Variants in CUL2 observed in about 807,000 individuals in gnomAD.
The protein encoded by CUL2 is cullin-2.
A neutral mutation model predicts 110.2 loss-of-function variants in CUL2; 22 were observed. The observed-to-expected ratio is 0.20, with a 90% CI of 0.14 to 0.28. The LOEUF (loss-of-function observed/expected upper bound fraction) is 0.28. Among genes scored for constraint, CUL2 ranks in the 10% least tolerant of loss-of-function variants. The probability of loss-of-function intolerance (pLI) is 1.00; values close to 1 mark genes in which losing one functional copy is unlikely to be tolerated. For missense variants in CUL2, 631 were observed against 905.5 expected, an observed-to-expected ratio of 0.70 and a Z score of 3.89; for synonymous variants, 279 against 293.2, an observed-to-expected ratio of 0.95 and a Z score of 0.49.
intron 5 of CUL2, among the ~76,000 whole-genome samples, chr10:35,050,781 G>A (rs896598201): frequency 1.3e-5 from 2 of 152,228 alleles, no homozygotes; most frequent in African/African-American, 4.8e-5. Context: ...TGGAAACAAT[G>A]CTGTGATTCC....
intron 2 of CUL2, among the ~76,000 whole-genome samples, chr10:35,064,376 C>G (rs117724027): frequency 0.024 from 3,586 of 152,258 alleles, 64 homozygotes; most frequent in Non-Finnish European, 0.038. Context: ...GATGCAAATT[C>G]TTTCTCCTCT....
intron 9 of CUL2, among the ~76,000 whole-genome samples, chr10:35,036,383 ACAC>A (rs1342549298): frequency 2.0e-5 from 3 of 152,206 alleles, no homozygotes; most frequent in African/African-American, 4.8e-5. Context: ...GCTATTACAA[ACAC>A]TACTATGAAC....
intron 1 of CUL2, among the ~76,000 whole-genome samples, chr10:35,108,201 T>C (rs2087486745): frequency 6.6e-6 from 1 of 152,126 alleles, no homozygotes; most frequent in Non-Finnish European, 1.5e-5. Context: ...CTCATGCCTG[T>C]AATCCCAGCA....
chr10:35,071,473 T>A, intron 1 of CUL2, 134 bp from the exon 2 acceptor site: 1 of 678,594 alleles, frequency 1.5e-6, no homozygotes, highest in African/African-American at 1.8e-5. Context: ...GGCGTGATCT[T>A]GGCTCACTGC....
At chr10:35,085,526 C>G (rs1193729234) in intron 1 of CUL2, among the ~76,000 whole-genome samples, 2 of 151,848 alleles carry the variant, frequency 1.3e-5, no homozygotes, top group East Asian at 3.9e-4. Context: ...AGGCGGACCA[C>G]AAGGTCAGGA....
intron 5 of CUL2, 38 bp downstream of exon 5, chr10:35,054,396 C>T: frequency 8.7e-7 from 1 of 1,146,742 alleles, no homozygotes. Flanking sequence ...TGTATAAAAA[C>T]ATACTTATGT....
At chr10:35,012,429 G>T (rs1432699895) in intron 19 of CUL2, among the ~76,000 whole-genome samples, 1 of 152,114 alleles carries the variant, frequency 6.6e-6, no homozygotes, top group African/African-American at 2.4e-5. Context: ...TTTAGATGGA[G>T]TTGTGTCAAC....
chr10:35,009,187 T>C lies in CUL2; in HGVS notation c.*1124A>G, dbSNP rs918699669. 3 of 102,732 alleles carry C rather than the reference T, an allele frequency of 2.9e-5. No individual in the cohort carries two copies. The Admixed American group carries it at 3.5e-4, about 12-fold the overall frequency. The allele number at this position is 102,732 out of a possible 1,614,324, so 6.4% of individuals were successfully genotyped here. A position where few individuals can be genotyped will look rare whatever the true frequency, so the allele number is the denominator to read the frequency against. On this transcript the variant is annotated 3_prime_UTR_variant, in exon 21 of 21. Coordinates refer to ENST00000374749, the MANE Select transcript of CUL2 (RefSeq NM_003591.4). ...TACTCTTAACACTGCTGTTGAGATA[T>C]ATATATATATATATTATATATATAT...
At chr10:35,052,768 G>A (rs891338430) in intron 5 of CUL2, among the ~76,000 whole-genome samples, 1 of 151,900 alleles carries the variant, frequency 6.6e-6, no homozygotes, top group Admixed American at 6.6e-5. Flanking sequence ...GGTGGCAGGC[G>A]CCTGTAGTCC....
At chr10:35,105,968 T>C (rs1418178032) in intron 1 of CUL2, among the ~76,000 whole-genome samples, 1 of 152,148 alleles carries the variant, frequency 6.6e-6, no homozygotes. Context: ...CAACAATCAC[T>C]GAAGTAACAG....
chr10:35,104,858 T>C (rs542411188), intron 1 of CUL2, among the ~76,000 whole-genome samples: 6 of 151,864 alleles, frequency 4.0e-5, no homozygotes, highest in East Asian at 4.0e-4. Flanking sequence ...GCCTCCTGAG[T>C]AGCTGGGATT....
At chr10:35,055,292 T>A (rs530064424) in intron 4 of CUL2, among the ~76,000 whole-genome samples, 1 of 152,360 alleles carries the variant, frequency 6.6e-6, no homozygotes, top group South Asian at 2.1e-4. Context: ...ATACAAGTAT[T>A]TTAGGCAACA....
chr10:35,019,257 A>G (rs901680956), intron 17 of CUL2, among the ~76,000 whole-genome samples: 17 of 152,206 alleles, frequency 1.1e-4, no homozygotes, highest in Non-Finnish European at 2.9e-5. Context: ...TGAAAGCAGA[A>G]TGAGTCTTCT....
chr10:35,106,948 C>T (rs1290295668), intron 1 of CUL2, among the ~76,000 whole-genome samples: 1 of 135,882 alleles, frequency 7.4e-6, no homozygotes, highest in Non-Finnish European at 1.7e-5. Context: ...TTGCCCTTAA[C>T]CTGTTTTTTT....
chr10:35,117,115 C>CA (rs542053657), intron 1 of CUL2, among the ~76,000 whole-genome samples: 159 of 152,162 alleles, frequency 1.0e-3, no homozygotes, highest in African/African-American at 3.8e-3. Flanking sequence ...GTTCCCAGGA[C>CA]AAAAAACTGG....
chr10:35,051,481 CG>C (rs1437993586), intron 5 of CUL2, among the ~76,000 whole-genome samples: 33 of 152,018 alleles, frequency 2.2e-4, no homozygotes, highest in African/African-American at 8.0e-4. Flanking sequence ...GGCGAGGTGG[CG>C]GGCGCCTGTA....
At chr10:35,124,100 T>C (rs1424923490) in intron 1 of CUL2, among the ~76,000 whole-genome samples, 1 of 152,182 alleles carries the variant, frequency 6.6e-6, no homozygotes, top group Non-Finnish European at 1.5e-5. Flanking sequence ...GGAGGATCGC[T>C]TTAGACTAGG....
chr10:35,101,453 T>C (rs531834537), intron 1 of CUL2, among the ~76,000 whole-genome samples: 7 of 152,298 alleles, frequency 4.6e-5, no homozygotes, highest in Admixed American at 1.3e-4. Flanking sequence ...ATCAAAACAG[T>C]TGCTTTGATT....
intron 1 of CUL2, among the ~76,000 whole-genome samples, chr10:35,109,273 C>A (rs1431106916): frequency 6.6e-6 from 1 of 152,082 alleles, no homozygotes; most frequent in Non-Finnish European, 1.5e-5. Flanking sequence ...CAACAAAAAA[C>A]CTGACCGTCA....
Sources: gnomAD v4.1 joint callset for allele counts (sites outside exome capture counted in the v4.1 genomes callset) on GRCh38, gnomAD v4.1.1 for gene constraint, MANE v1.5 for transcripts, NCBI Gene and HGNC (gene_info 2026-07-23, HGNC 2026-07-21) for gene names.